ADGRL3: variants seen among roughly 807,000 people sequenced by gnomAD.
The protein encoded by ADGRL3 is calcium-independent alpha-latrotoxin receptor 3.
A neutral mutation model predicts 153.5 loss-of-function variants in ADGRL3; 62 were observed. That is an observed-to-expected ratio of 0.40 (90% CI 0.33 to 0.50). ADGRL3 has a LOEUF of 0.50. ADGRL3 is among the 20% of genes least tolerant of loss of function. ADGRL3 has a pLI of 0.47. For synonymous variants in ADGRL3, 710 were observed against 672.5 expected (o/e 1.06, Z -0.86); for missense variants, 1,641 against 1,859.4 (o/e 0.88, Z 2.16).
chr4:61,592,321 T>C (rs892318234), intron 5 of ADGRL3, among the ~76,000 whole-genome samples: 12 of 152,168 alleles, frequency 7.9e-5, no homozygotes, highest in African/African-American at 2.7e-4. Flanking sequence ...ACATGAGTTA[T>C]TCCGCTCAAG....
At chr4:61,431,681 A>G (rs2097357562) in intron 2 of ADGRL3, among the ~76,000 whole-genome samples, 2 of 152,234 alleles carry the variant, frequency 1.3e-5, no homozygotes, top group African/African-American at 4.8e-5. Flanking sequence ...AAGCAAGAAC[A>G]TTTTAAGAGG....
chr4:61,248,110 A>G (rs1459735262), intron 1 of ADGRL3, among the ~76,000 whole-genome samples: 1 of 152,160 alleles, frequency 6.6e-6, no homozygotes, highest in Non-Finnish European at 1.5e-5. Flanking sequence ...TGTGAAATGC[A>G]GTGTTGACTC....
chr4:61,200,941 G>A lies in ADGRL3; in HGVS notation c.-1064G>A, dbSNP rs1734478237. Among the ~76,000 whole-genome samples the A allele has an allele frequency of 6.6e-6, 1 of 151,680 alleles. No individual in the cohort carries two copies. Among genetic ancestry groups the A allele is most frequent in the South Asian group, 2.1e-4 (1 of 4,814 alleles). On this transcript the variant is annotated 5_prime_UTR_variant, in exon 1 of 27. Coordinates refer to ENST00000683033, the MANE Select transcript of ADGRL3 (RefSeq NM_001387552.1). ...CCCTCGGCGGCCGGGCGCCCGCTCT[G>A]TCTGCGCGCCCCCTCCGTGCACCGG...
At chr4:61,927,652 TA>T (rs1329614260) in intron 13 of ADGRL3, among the ~76,000 whole-genome samples, 4 of 152,146 alleles carry the variant, frequency 2.6e-5, no homozygotes, top group Non-Finnish European at 4.4e-5. Flanking sequence ...TGACTTGTAA[TA>T]AAAAACCTGC....
chr4:61,723,239 A>C (rs1460768036), intron 6 of ADGRL3, among the ~76,000 whole-genome samples: 1 of 152,142 alleles, frequency 6.6e-6, no homozygotes, highest in Non-Finnish European at 1.5e-5. Context: ...CAATTATTAG[A>C]CTATAAGTTT....
At chr4:61,367,445 T>C (rs1017648822) in intron 1 of ADGRL3, among the ~76,000 whole-genome samples, 1 of 150,890 alleles carries the variant, frequency 6.6e-6, no homozygotes, top group Admixed American at 6.6e-5. Flanking sequence ...TGTCCATGTG[T>C]TCTCATTGTT....
At chr4:61,363,498 A>C (rs753918971) in intron 1 of ADGRL3, among the ~76,000 whole-genome samples, 1 of 152,078 alleles carries the variant, frequency 6.6e-6, no homozygotes, top group Non-Finnish European at 1.5e-5. Context: ...CATGATGCTT[A>C]TTTCTCTCCT....
At chr4:61,541,403 C>T (rs1262427989) in intron 4 of ADGRL3, among the ~76,000 whole-genome samples, 1 of 122,936 alleles carries the variant, frequency 8.1e-6, no homozygotes, top group Non-Finnish European at 1.6e-5. Flanking sequence ...GTAGTTGACT[C>T]TTTTAGCCAG....
intron 1 of ADGRL3, among the ~76,000 whole-genome samples, chr4:61,335,342 T>C (rs1221589412): frequency 3.9e-5 from 6 of 152,278 alleles, no homozygotes; most frequent in Middle Eastern, 3.4e-3. Flanking sequence ...AGAAATACCA[T>C]TACTGTTTAA....
At chr4:61,379,177 G>A (rs934362813) in intron 1 of ADGRL3, among the ~76,000 whole-genome samples, 5 of 151,894 alleles carry the variant, frequency 3.3e-5, no homozygotes, top group Admixed American at 6.6e-5. Context: ...TAGACTAGTC[G>A]GGTGAGACCT....
chr4:61,558,205 T>C (rs2098777392), intron 4 of ADGRL3, among the ~76,000 whole-genome samples: 2 of 139,004 alleles, frequency 1.4e-5, no homozygotes, highest in African/African-American at 5.3e-5. Flanking sequence ...TGATTTACAC[T>C]GTGTCTTATC....
chr4:61,389,941 G>A (rs1376809202), intron 2 of ADGRL3, among the ~76,000 whole-genome samples: 3 of 152,124 alleles, frequency 2.0e-5, no homozygotes, highest in Non-Finnish European at 4.4e-5. Context: ...AGGCTGTGAA[G>A]CCATGAACAG....
intron 4 of ADGRL3, among the ~76,000 whole-genome samples, chr4:61,548,669 A>G (rs1113995): frequency 0.59 from 89,849 of 151,592 alleles, 27,034 homozygotes; most frequent in East Asian, 0.91. Context: ...TGCTTTTTTG[A>G]TTACTGTATT....
intron 21 of ADGRL3, among the ~76,000 whole-genome samples, chr4:62,023,742 G>T (rs542158061): frequency 2.2e-4 from 34 of 152,170 alleles, no homozygotes; most frequent in Middle Eastern, 3.4e-3. Context: ...TTAAATCAAG[G>T]TATGTATAGT....
chr4:61,373,468 A>C (rs1466036703), intron 1 of ADGRL3, among the ~76,000 whole-genome samples: 1 of 152,168 alleles, frequency 6.6e-6, no homozygotes, highest in Non-Finnish European at 1.5e-5. Flanking sequence ...TTCATTGTTA[A>C]GGGGGAAAGT....
In ADGRL3 at chr4:62,077,326, A is replaced by G. The variant is rs961508287; in HGVS notation, c.*6418A>G. 5.9e-5 allele frequency: 9 copies of G among 151,992 alleles called. No homozygotes were observed. The highest frequency in any genetic ancestry group is 1.3e-4 in the Admixed American group (2 of 15,228). 9.4% of individuals were successfully genotyped at this position (151,992 alleles called of 1,614,324 possible). On this transcript the variant is annotated 3_prime_UTR_variant, in exon 27 of 27. Coordinates refer to ENST00000683033, the MANE Select transcript of ADGRL3 (RefSeq NM_001387552.1). ...TTTACAATTAGTCCAAAATCAGAGGATTTTAAATCTTAAAGGAGTTAAGTT... is the reference window on the plus strand; with the variant it reads ...TTTACAATTAGTCCAAAATCAGAGGGTTTTAAATCTTAAAGGAGTTAAGTT...
At chr4:61,875,470 G>A (rs1278464127) in intron 9 of ADGRL3, among the ~76,000 whole-genome samples, 2 of 151,982 alleles carry the variant, frequency 1.3e-5, no homozygotes, top group African/African-American at 4.8e-5. Context: ...CTAGATCTTT[G>A]CTGGAGAACA....
rs1229524409 is a variant in ADGRL3 at position 62,076,297 on chromosome 4, T to C, written c.*5389T>C. 1 of 152,126 alleles carries C rather than the reference T, an allele frequency of 6.6e-6. No individual in the cohort carries two copies. The highest frequency in any genetic ancestry group is 1.5e-5 in the Non-Finnish European group (1 of 67,968). 9.4% of individuals were successfully genotyped at this position (152,126 alleles called of 1,614,324 possible). On this transcript the variant is annotated 3_prime_UTR_variant, in exon 27 of 27. Coordinates refer to ENST00000683033, the MANE Select transcript of ADGRL3 (RefSeq NM_001387552.1). ...GTATGTCAAAAGCATTGTTCTCATT[T>C]GATAATTTGTGTCCCGTTACAGTAT...
intron 1 of ADGRL3, among the ~76,000 whole-genome samples, chr4:61,369,650 T>A (rs2096481919): frequency 6.6e-6 from 1 of 152,168 alleles, no homozygotes; most frequent in African/African-American, 2.4e-5. Flanking sequence ...TATTGAGGAT[T>A]TTTGCATCAA....
Sources: allele counts gnomAD v4.1 joint callset (sites outside exome capture counted in the v4.1 genomes callset), GRCh38; gene constraint gnomAD v4.1.1; transcripts MANE v1.5; gene names NCBI Gene and HGNC (gene_info 2026-07-23, HGNC 2026-07-21).